Variants in TCF7L2 observed in about 807,000 individuals in gnomAD.
TCF7L2 encodes the protein transcription factor 7-like 2.
Under a neutral mutation model 77.9 loss-of-function variants are expected in TCF7L2, and 23 were observed. The observed-to-expected ratio is 0.30, with a 90% CI of 0.21 to 0.42. The LOEUF (loss-of-function observed/expected upper bound fraction) is 0.42, where lower values mean the gene tolerates loss of function less well. Among genes scored for constraint, TCF7L2 ranks in the 10% least tolerant of loss-of-function variants. The pLI is 1.00. For synonymous variants in TCF7L2, 413 were observed against 340.2 expected (o/e 1.21, Z -2.36); for missense variants, 654 against 793.1 (o/e 0.82, Z 2.11).
At chr10:113,003,453 G>C (rs2133391412) in intron 4 of TCF7L2, among the ~76,000 whole-genome samples, 1 of 152,266 alleles carries the variant, frequency 6.6e-6, no homozygotes, top group African/African-American at 2.4e-5. Context: ...GGTTGGGCTT[G>C]GATCCCTCCC....
Position 113,141,372 on chromosome 10 carries a change from AC to A in TCF7L2, c.685+58del. The A allele has an allele frequency of 1.9e-6, 3 of 1,609,938 alleles. No homozygotes were observed. In the Admixed American group the frequency reaches 5.0e-5, roughly 27 times the overall value. ...GTGCTGGTCCTGGGGTTCTGGGGGA[AC>A]CTTTGAGGCCTCCACAGGAACCCCA... On this transcript the variant is annotated intron_variant, in intron 6 of 13. Transcript: ENST00000627217.
In TCF7L2 at chr10:113,151,652, T is replaced by C; in HGVS notation, c.1002-73T>C. 41 of 1,511,350 alleles carry C rather than the reference T, an allele frequency of 2.7e-5. No homozygotes were observed. The highest frequency in any genetic ancestry group is 3.6e-5 in the Non-Finnish European group (41 of 1,135,908). The allele number at this position is 1,511,350 out of a possible 1,614,324, so 93.6% of individuals were successfully genotyped here. A position where few individuals can be genotyped will look rare whatever the true frequency, so the allele number is the denominator to read the frequency against. ...GCTTGGGGGTTATGAGACAAGGAGA[T>C]ACGTTCCCTGCCATGGAGGAAGTTG... On this transcript the variant is annotated intron_variant, in intron 9 of 13. Coordinates refer to ENST00000627217, the MANE Select transcript of TCF7L2 (RefSeq NM_001146274.2). The surrounding 1 kb of genome is among the most constrained non-coding windows in gnomAD (Gnocchi z 5.2).
Position 113,146,113 on chromosome 10 carries a change from C to T in TCF7L2, c.875+16C>T, listed in dbSNP as rs772351350. ...CCATGTCCAGGTGAGTTCCAAGAACCGGGGCCTTCATCCAAGGCCATGTGT... is the reference window on the plus strand; with the variant it reads ...CCATGTCCAGGTGAGTTCCAAGAACTGGGGCCTTCATCCAAGGCCATGTGT... On this transcript the variant is annotated intron_variant, in intron 8 of 13. Coordinates refer to ENST00000627217, the MANE Select transcript of TCF7L2 (RefSeq NM_001146274.2). 1.3e-5 allele frequency: 21 copies of T among 1,613,102 alleles called. No individual in the cohort carries two copies. Among genetic ancestry groups the T allele is most frequent in the East Asian group, 1.1e-4 (5 of 44,864 alleles).
chr10:112,964,778 ATGGTGG>A (rs1375511307), intron 4 of TCF7L2, among the ~76,000 whole-genome samples, 154 bp downstream of exon 4: 1 of 80,082 alleles, frequency 1.2e-5, no homozygotes, highest in African/African-American at 5.7e-5. Flanking sequence ...GGTGGTGGTG[ATGGTGG>A]TGGTGGTGAT....
chr10:113,148,107 A>G (rs2069898865), intron 8 of TCF7L2, among the ~76,000 whole-genome samples: 1 of 152,182 alleles, frequency 6.6e-6, no homozygotes, highest in Admixed American at 6.5e-5. Context: ...TCTATTCAGC[A>G]GTGGGGCCAG....
At chr10:113,147,422 A>G (rs2069700368) in intron 8 of TCF7L2, among the ~76,000 whole-genome samples, 1 of 152,212 alleles carries the variant, frequency 6.6e-6, no homozygotes, top group South Asian at 2.1e-4. Flanking sequence ...ATCGGTAACT[A>G]TGCCGTGGAT....
intron 3 of TCF7L2, among the ~76,000 whole-genome samples, chr10:112,959,977 G>T (rs2034643107): frequency 9.0e-6 from 1 of 111,702 alleles, no homozygotes; most frequent in Non-Finnish European, 2.0e-5. Context: ...CCTAGGAAAT[G>T]ATCTGTTTTT....
At chr10:113,108,481 A>C (rs2062699488) in intron 5 of TCF7L2, among the ~76,000 whole-genome samples, 1 of 152,166 alleles carries the variant, frequency 6.6e-6, no homozygotes, top group Non-Finnish European at 1.5e-5. Context: ...CATTGTGGGC[A>C]TAGAGATGCC....
chr10:113,073,996 C>T (rs2058414217), intron 5 of TCF7L2, among the ~76,000 whole-genome samples: 1 of 152,128 alleles, frequency 6.6e-6, no homozygotes, highest in South Asian at 2.1e-4. Context: ...ATTCCACATC[C>T]GGTGCTGCTG....
chr10:112,978,752 T>C (rs1182793902), intron 4 of TCF7L2, among the ~76,000 whole-genome samples: 2 of 151,838 alleles, frequency 1.3e-5, no homozygotes, highest in Non-Finnish European at 2.9e-5. Context: ...GTGCTGGGAT[T>C]ATAGGTGTGA....
At chr10:113,040,149 T>A (rs2052175341) in intron 5 of TCF7L2, 23 bp downstream of exon 5, 11 of 1,603,804 alleles carry the variant, frequency 6.9e-6, no homozygotes, top group Non-Finnish European at 9.4e-6. Context: ...CCAGAGATGA[T>A]GGCTTCCTTT....
intron 13 of TCF7L2, chr10:113,160,726 A>G (rs1204489066): frequency 1.9e-6 from 3 of 1,556,256 alleles, no homozygotes; most frequent in East Asian, 2.3e-5. Context: ...GGGAAAATCA[A>G]AGCATTCTGT....
intron 3 of TCF7L2, among the ~76,000 whole-genome samples, chr10:112,963,181 T>G (rs374245711): frequency 1.3e-5 from 2 of 152,208 alleles, no homozygotes; most frequent in East Asian, 1.9e-4. Context: ...CTAAAATGGA[T>G]ATTTATAGAC....
chr10:112,999,969 G>A (rs543571220), intron 4 of TCF7L2, among the ~76,000 whole-genome samples: 1 of 152,278 alleles, frequency 6.6e-6, no homozygotes, highest in Non-Finnish European at 1.5e-5. Context: ...ACTGTTTATG[G>A]CCTGTAGGAT....
chr10:113,076,115 A>C (rs928320185), intron 5 of TCF7L2, among the ~76,000 whole-genome samples: 5 of 149,436 alleles, frequency 3.3e-5, no homozygotes, highest in African/African-American at 1.2e-4. Flanking sequence ...CAGCGTAGGC[A>C]ACAGAGCAAG....
intron 5 of TCF7L2, among the ~76,000 whole-genome samples, chr10:113,120,153 T>G (rs2136272347): frequency 6.6e-6 from 1 of 152,246 alleles, no homozygotes; most frequent in South Asian, 2.1e-4. Flanking sequence ...CCAAGTGGGG[T>G]TTGGTTTCAT....
At chr10:113,018,386 A>G (rs2047692004) in intron 4 of TCF7L2, among the ~76,000 whole-genome samples, 1 of 148,208 alleles carries the variant, frequency 6.7e-6, no homozygotes, top group South Asian at 2.2e-4. Flanking sequence ...TGTTGCTTTC[A>G]TGAAAGGTTC....
chr10:113,062,962 A>G (rs1474672845), intron 5 of TCF7L2, among the ~76,000 whole-genome samples: 1 of 152,182 alleles, frequency 6.6e-6, no homozygotes, highest in Non-Finnish European at 1.5e-5. Flanking sequence ...ATCATGAATA[A>G]TTAGTTGGGG....
At chr10:113,156,958 C>T (rs1247304223) in intron 11 of TCF7L2, among the ~76,000 whole-genome samples, 2 of 152,204 alleles carry the variant, frequency 1.3e-5, no homozygotes, top group African/African-American at 2.4e-5. Context: ...AGTCCATCTG[C>T]GTAGCACACC....
Sources: allele counts gnomAD v4.1 joint callset (sites outside exome capture counted in the v4.1 genomes callset), GRCh38; gene constraint gnomAD v4.1.1; non-coding constraint Gnocchi (gnomAD v3.1); transcripts MANE v1.5; gene names NCBI Gene and HGNC (gene_info 2026-07-23, HGNC 2026-07-21).